Variants in CNBD1 observed in about 807,000 individuals in gnomAD.
CNBD1 encodes cyclic nucleotide binding domain containing 1.
In CNBD1, 71 loss-of-function variants were observed where a neutral mutation model predicts 54.4. The ratio of observed to expected loss-of-function variants is 1.30; its 90% CI spans 1.08 to 1.59. The LOEUF is 1.59. Among genes scored for constraint, CNBD1 ranks in the 40% most tolerant of loss-of-function variants. The probability of loss-of-function intolerance (pLI) is 0.00; values close to 1 mark genes in which losing one functional copy is unlikely to be tolerated. For synonymous variants in CNBD1, 182 were observed against 170.7 expected (o/e 1.07, Z -0.51); for missense variants, 659 against 518.0 (o/e 1.27, Z -2.64).
chr8:87,045,589 G>A (rs1186979213), intron 4 of CNBD1, among the ~76,000 whole-genome samples: 1 of 151,734 alleles, frequency 6.6e-6, no homozygotes, highest in African/African-American at 2.4e-5. Flanking sequence ...GCCGGGCGTG[G>A]TGGCAGGTGC....
intron 8 of CNBD1, among the ~76,000 whole-genome samples, chr8:87,343,313 T>C (rs563676106): frequency 1.3e-5 from 2 of 152,304 alleles, no homozygotes; most frequent in Admixed American, 1.3e-4. Flanking sequence ...AAACAATTGG[T>C]ACAGTTAACA....
chr8:87,227,898 C>T lies in CNBD1; in HGVS notation c.578-9021C>T, dbSNP rs537557597. 1.1e-4 allele frequency among the ~76,000 whole-genome samples: 16 copies of T among 148,310 alleles called. 1 individual carries two copies. Among genetic ancestry groups the T allele is most frequent in the African/African-American group, 3.8e-4 (15 of 39,178 alleles). ...TACACCAGTCAGACGTAGATTTGGT[C>T]TTTTCACATAGTCCCATATTTCTTG... is the stretch of plus-strand genomic sequence containing the variant. On this transcript the variant is annotated intron_variant, in intron 5 of 10. Coordinates refer to ENST00000518476, the MANE Select transcript of CNBD1 (RefSeq NM_173538.3).
rs535219321 is a variant in CNBD1, at chr8:87,209,234, T to G, written c.577+3096T>G. On this transcript the variant is annotated intron_variant, in intron 5 of 10. Coordinates refer to ENST00000518476, the MANE Select transcript of CNBD1 (RefSeq NM_173538.3). ...ATTAATATCAATTATTCTGACACTC[T>G]TCCAAAAATTGAATAGGAGGGTATA... Among the ~76,000 whole-genome samples the G allele has an allele frequency of 5.3e-5, 8 of 152,168 alleles. No homozygotes were observed. The South Asian group carries it at 1.5e-3, about 28-fold the overall frequency.
chr8:87,255,994 T>C (rs1180407304), intron 6 of CNBD1, among the ~76,000 whole-genome samples: 4 of 14,014 alleles, frequency 2.9e-4, no homozygotes, highest in Admixed American at 1.0e-3. Context: ...TATATATATA[T>C]ATATATATAT....
In CNBD1 at chr8:87,230,570, G is replaced by C. The variant is rs141402120; in HGVS notation, c.578-6349G>C. 2.6e-5 allele frequency among the ~76,000 whole-genome samples: 4 copies of C among 152,178 alleles called. No individual in the cohort carries two copies. In the South Asian group the frequency reaches 8.3e-4, roughly 32 times the overall value. On this transcript the variant is annotated intron_variant, in intron 5 of 10. Coordinates refer to ENST00000518476, the MANE Select transcript of CNBD1 (RefSeq NM_173538.3). ...GAAATTAATGTACTTTGTAACTTTT[G>C]ACAAGTTATTTTATCATTCTGAGCC...
chr8:87,376,741 T>C lies in CNBD1; in HGVS notation c.1304-5879T>C, dbSNP rs1426563457. Among the ~76,000 whole-genome samples the C allele has an allele frequency of 8.6e-5, 13 of 151,996 alleles. No individual in the cohort carries two copies. In the Admixed American group the frequency reaches 8.6e-4, roughly 10 times the overall value. Reference sequence around the variant, plus strand: ...TTAGTTAAGTTTATTAAACCCATTTTATAGGTAAGGCAACAAAGGCTTATA... The same window carrying C: ...TTAGTTAAGTTTATTAAACCCATTTCATAGGTAAGGCAACAAAGGCTTATA... On this transcript the variant is annotated intron_variant, in intron 10 of 10. Coordinates refer to ENST00000518476, the MANE Select transcript of CNBD1 (RefSeq NM_173538.3).
chr8:86,954,513 T>G (rs1040541555), intron 4 of CNBD1, among the ~76,000 whole-genome samples: 3 of 152,224 alleles, frequency 2.0e-5, no homozygotes, highest in African/African-American at 7.2e-5. Flanking sequence ...GTTTTAGCCA[T>G]TAGCTTTATC....
intron 4 of CNBD1, among the ~76,000 whole-genome samples, chr8:87,019,841 G>A (rs1004458676): frequency 1.1e-4 from 17 of 152,032 alleles, no homozygotes; most frequent in African/African-American, 3.9e-4. Context: ...TTGCGCCACT[G>A]TCACTTCAGT....
intron 4 of CNBD1, among the ~76,000 whole-genome samples, chr8:87,086,730 T>G (rs961209627): frequency 6.6e-6 from 1 of 152,154 alleles, no homozygotes; most frequent in Non-Finnish European, 1.5e-5. Context: ...AAAATACAAA[T>G]GATAAAATTG....
chr8:87,012,935 G>T (rs745928336), intron 4 of CNBD1, among the ~76,000 whole-genome samples: 8 of 152,140 alleles, frequency 5.3e-5, no homozygotes, highest in Non-Finnish European at 8.8e-5. Flanking sequence ...ATGTTCTCAG[G>T]ACCTCCTGAG....
intron 4 of CNBD1, among the ~76,000 whole-genome samples, chr8:86,951,425 C>T (rs1807618509): frequency 6.6e-6 from 1 of 151,080 alleles, no homozygotes; most frequent in African/African-American, 2.4e-5. Context: ...TCCATCTCTA[C>T]TAAAAGTAGC....
intron 10 of CNBD1, among the ~76,000 whole-genome samples, chr8:87,367,764 C>T (rs1586051723): frequency 6.6e-6 from 1 of 152,096 alleles, no homozygotes; most frequent in African/African-American, 2.4e-5. Context: ...TATCAATGCT[C>T]TCTATCGAAA....
At chr8:87,065,665 G>C (rs747817789) in intron 4 of CNBD1, among the ~76,000 whole-genome samples, 2 of 151,966 alleles carry the variant, frequency 1.3e-5, no homozygotes, top group East Asian at 1.9e-4. Flanking sequence ...TAAGGGGAAG[G>C]CAACTCCGAA....
intron 3 of CNBD1, among the ~76,000 whole-genome samples, chr8:86,926,481 T>C (rs1809363237): frequency 6.6e-6 from 1 of 152,118 alleles, no homozygotes; most frequent in South Asian, 2.1e-4. Flanking sequence ...ATACAGGGCC[T>C]AAAGGCAAGT....
At chr8:87,115,701 G>T (rs1811753432) in intron 4 of CNBD1, among the ~76,000 whole-genome samples, 1 of 152,080 alleles carries the variant, frequency 6.6e-6, no homozygotes, top group African/African-American at 2.4e-5. Context: ...GCCTAAAAAA[G>T]ATGGTATGAT....
chr8:87,405,547 C>T lies in CNBD1; in HGVS notation c.214-22999C>T, dbSNP rs545496180. ...ATAATTCGTAAGTGGTTTATTACTG[C>T]CTAAGACAAGGTTACCACTTTTCTT... On this transcript the variant is annotated intron_variant, in intron 2 of 7. Transcript: ENST00000521593. 4.1e-4 allele frequency among the ~76,000 whole-genome samples: 62 copies of T among 152,136 alleles called. No homozygotes were observed. In the South Asian group the frequency reaches 0.012, roughly 30 times the overall value.
chr8:87,354,460 G>T lies in CNBD1; in HGVS notation c.1303+674G>T, dbSNP rs577755297. ...TAGGGTACATGTGCACAACGTGCAG[G>T]TTTGTTACATATGTATACATGTGCC... On this transcript the variant is annotated intron_variant, in intron 10 of 10. Transcript: ENST00000518476. 2.7e-4 allele frequency among the ~76,000 whole-genome samples: 41 copies of T among 151,852 alleles called. 1 individual carries two copies. In the South Asian group the frequency reaches 4.4e-3, roughly 16 times the overall value.
rs532720830 is a variant in CNBD1, at chr8:87,076,399, A to G, written c.432-129594A>G. ...GTGGCCTATATTTTTTATTACTTAAATTATTTAGGTCTCCTAATTGCAATA... is the reference window on the plus strand; with the variant it reads ...GTGGCCTATATTTTTTATTACTTAAGTTATTTAGGTCTCCTAATTGCAATA... On this transcript the variant is annotated intron_variant, in intron 4 of 10. Coordinates refer to ENST00000518476, the MANE Select transcript of CNBD1 (RefSeq NM_173538.3). Among the ~76,000 whole-genome samples the G allele has an allele frequency of 6.0e-5, 9 of 149,364 alleles. No homozygotes were observed. The East Asian group carries it at 1.7e-3, about 29-fold the overall frequency.
intron 4 of CNBD1, among the ~76,000 whole-genome samples, chr8:87,188,635 A>G (rs1813531878): frequency 6.6e-6 from 1 of 151,964 alleles, no homozygotes; most frequent in African/African-American, 2.4e-5. Flanking sequence ...CCGAGGTAAG[A>G]GAATCACCTG....
Sources: allele counts gnomAD v4.1 joint callset (sites outside exome capture counted in the v4.1 genomes callset), GRCh38; gene constraint gnomAD v4.1.1; transcripts MANE v1.5; gene names NCBI Gene and HGNC (gene_info 2026-07-23, HGNC 2026-07-21).